DPF1: variants seen among roughly 807,000 people sequenced by gnomAD.
DPF1 encodes the protein zinc finger protein neuro-d4.
Under a neutral mutation model 58.7 loss-of-function variants are expected in DPF1, and 14 were observed. That is an observed-to-expected ratio of 0.24 (90% confidence interval 0.16 to 0.37). The LOEUF is 0.37. Among genes scored for constraint, DPF1 ranks in the 10% least tolerant of loss-of-function variants. DPF1 has a pLI of 1.00. For missense variants in DPF1, 345 were observed against 529.9 expected (o/e 0.65, Z 3.43); for synonymous variants, 216 against 216.0 (o/e 1.00, Z 0.00).
In DPF1 at chr19:38,224,059, A is replaced by C; in HGVS notation, c.29+55T>G. The C allele has an allele frequency of 1.4e-6, 2 of 1,466,734 alleles. No individual in the cohort carries two copies. Among genetic ancestry groups the C allele is most frequent in the Non-Finnish European group, 8.9e-7 (1 of 1,119,728 alleles). 90.9% of individuals were successfully genotyped at this position (1,466,734 alleles called of 1,614,324 possible). On this transcript the variant is annotated intron_variant, in intron 1 of 11. Transcript: ENST00000355526. This position sits in a 1 kb window ranked among gnomAD's most constrained non-coding sequence, Gnocchi z 4.5. Reference sequence around the variant, plus strand: ...CCACCCCCGGTCGCCACACACACACAGGCCCGCGTAGACCCGCCCGCGCTT... The same window carrying C: ...CCACCCCCGGTCGCCACACACACACCGGCCCGCGTAGACCCGCCCGCGCTT...
Position 38,217,516 on chromosome 19 carries a change from C to CCCT in DPF1, c.668_670dup (p.Glu223dup). 1.3e-6 allele frequency: 2 copies of CCCT among 1,551,560 alleles called. No individual in the cohort carries two copies. The highest frequency in any genetic ancestry group is 1.7e-6 in the Non-Finnish European group (2 of 1,146,962). ...GGCGTGGCGTTCGGCGTTCTCCTCCCCCTCCTCCTCGGCCAGGTGGGTGTG... is the reference window on the plus strand; with the variant it reads ...GGCGTGGCGTTCGGCGTTCTCCTCCCCCTCCTCCTCCTCGGCCAGGTGGGTGTG... On this transcript the variant is annotated inframe_insertion, in exon 7 of 12. Coordinates refer to ENST00000355526, the MANE Select transcript of DPF1 (RefSeq NM_001135155.3).
Position 38,222,496 on chromosome 19 carries a change from C to T in DPF1, c.191-32G>A, listed in dbSNP as rs545695489. 4.4e-6 allele frequency: 7 copies of T among 1,581,052 alleles called. No homozygotes were observed. The highest frequency in any genetic ancestry group is 1.2e-5 in the South Asian group (1 of 86,394). On this transcript the variant is annotated intron_variant, in intron 2 of 11. Transcript: ENST00000355526. This position sits in a 1 kb window ranked among gnomAD's most constrained non-coding sequence, Gnocchi z 4.9. ...AGAGAGGGGGGTGAGAGGGCGGCGG[C>T]GGTGGGGCGGCCTGGCCCCGCCCCG...
Position 38,229,344 on chromosome 19 carries a change from A to G in DPF1, c.-132+215T>C, listed in dbSNP as rs1215807504. Among the ~76,000 whole-genome samples, 1 of 151,916 alleles carries G rather than the reference A, an allele frequency of 6.6e-6. No homozygotes were observed. The highest frequency in any genetic ancestry group is 1.5e-5 in the Non-Finnish European group (1 of 67,910). ...GCCGCATTCCTTCACTGACAGCGAC[A>G]AAGAAGAGGCGCCCCCGCGACCCTG... is the stretch of plus-strand genomic sequence containing the variant. On this transcript the variant is annotated intron_variant, in intron 1 of 11. Coordinates refer to the DPF1 transcript ENST00000412732. The surrounding 1 kb of genome is among the most constrained non-coding windows in gnomAD (Gnocchi z 5.3).
chr19:38,214,831 C>CTTTTTT (rs36047300), intron 9 of DPF1, among the ~76,000 whole-genome samples: 1 of 89,398 alleles, frequency 1.1e-5, no homozygotes, highest in Admixed American at 1.5e-4. Flanking sequence ...TATGCCCAGC[C>CTTTTTT]TTTTTTTTTT....
chr19:38,211,756 G>C lies in DPF1; in HGVS notation c.*307C>G. ...TTCTTTAGAAAAAGGCTCTGTCCAT[G>C]CCCCTGGCTGGCACCCACCACCCCC... On this transcript the variant is annotated 3_prime_UTR_variant, in exon 12 of 12. Coordinates refer to ENST00000355526, the MANE Select transcript of DPF1 (RefSeq NM_001135155.3). This position sits in a 1 kb window ranked among gnomAD's most constrained non-coding sequence, Gnocchi z 4.0. 1 of 405,644 alleles carries C rather than the reference G, an allele frequency of 2.5e-6. No individual in the cohort carries two copies. The allele number at this position is 405,644 out of a possible 1,614,324, so 25.1% of individuals were successfully genotyped here.
chr19:38,214,046 C>T (rs1888081692), intron 9 of DPF1: 1 of 368,328 alleles, frequency 2.7e-6, no homozygotes, highest in Non-Finnish European at 5.0e-6. Flanking sequence ...CTTTCTACCA[C>T]CCACAACACC....
Position 38,222,849 on chromosome 19 carries a change from C to T in DPF1, c.30-141G>A, listed in dbSNP as rs1468798489. On this transcript the variant is annotated intron_variant, in intron 1 of 11. Transcript: ENST00000355526. The surrounding 1 kb of genome is among the most constrained non-coding windows in gnomAD (Gnocchi z 4.9). ...TCCAGCCTCACCTCTCCCCTCCTCC[C>T]ACTCCGGGACCCAGGCTGGGGGAAG... is the stretch of plus-strand genomic sequence containing the variant. 8.1e-7 allele frequency: 1 copy of T among 1,229,522 alleles called. No individual in the cohort carries two copies. Among genetic ancestry groups the T allele is most frequent in the African/African-American group, 1.6e-5 (1 of 62,298 alleles). The allele number at this position is 1,229,522 out of a possible 1,614,324, so 76.2% of individuals were successfully genotyped here.
rs1173042663 is a variant in DPF1, at chr19:38,217,536, G to A, written c.651C>T (p.Thr217=). 2 of 1,551,478 alleles carry A rather than the reference G, an allele frequency of 1.3e-6. No homozygotes were observed. The highest frequency in any genetic ancestry group is 2.0e-5 in the Admixed American group (1 of 50,968). The part of the protein sequence containing the change: ...RPGLSYHYTH[T]HLAEEEGEEN... ...CCTCCCCCTCCTCCTCGGCCAGGTG[G>A]GTGTGGGTGTAGTGGTAGCTGAGCC... Residue 217 remains threonine (T), a synonymous_variant, in exon 7 of 12, where the codon ACC becomes ACT. Coordinates refer to ENST00000355526, the MANE Select transcript of DPF1 (RefSeq NM_001135155.3).
chr19:38,216,499 C>A, intron 7 of DPF1, 96 bp from the exon 8 acceptor site: 4 of 1,414,806 alleles, frequency 2.8e-6, no homozygotes, highest in South Asian at 1.5e-5. Flanking sequence ...TTAGTCCAGG[C>A]GTGGGGAGCT....
chr19:38,224,042 G>A lies in DPF1; in HGVS notation c.29+72C>T, dbSNP rs1307552481. The A allele has an allele frequency of 2.8e-6, 4 of 1,407,362 alleles. No homozygotes were observed. The highest frequency in any genetic ancestry group is 1.7e-5 in the South Asian group (1 of 59,988). 87.2% of individuals were successfully genotyped at this position (1,407,362 alleles called of 1,614,324 possible). On this transcript the variant is annotated intron_variant, in intron 1 of 11. Transcript: ENST00000355526. This position sits in a 1 kb window ranked among gnomAD's most constrained non-coding sequence, Gnocchi z 4.5. ...CAGACACCCCTTCGGCCCCACCCCC[G>A]GTCGCCACACACACACAGGCCCGCG...
rs917446032 is a variant in DPF1, at chr19:38,211,874, C to G, written c.*189G>C. On this transcript the variant is annotated 3_prime_UTR_variant, in exon 12 of 12. Transcript: ENST00000355526. This position sits in a 1 kb window ranked among gnomAD's most constrained non-coding sequence, Gnocchi z 4.0. ...AGAGAGGGAGGGAGGGAGGGAGAGG[C>G]CCTGGCCGGGCCCACCCACCCACAG... 4.8e-6 allele frequency: 3 copies of G among 624,894 alleles called. No individual in the cohort carries two copies. Among genetic ancestry groups the G allele is most frequent in the South Asian group, 3.9e-5 (2 of 50,972 alleles). The allele number at this position is 624,894 out of a possible 1,614,324, so 38.7% of individuals were successfully genotyped here. A position where few individuals can be genotyped will look rare whatever the true frequency, so the allele number is the denominator to read the frequency against.
chr19:38,228,592 A>C, upstream of DPF1: 1 of 140,050 alleles, frequency 7.1e-6, no homozygotes. Context: ...GGAGGGCGGG[A>C]GCGGCCGAGT....
Position 38,217,520 on chromosome 19 carries a change from C to T in DPF1, c.667G>A (p.Glu223Lys). The T allele has an allele frequency of 6.4e-7, 1 of 1,551,570 alleles. No homozygotes were observed. Among genetic ancestry groups the T allele is most frequent in the South Asian group, 1.2e-5 (1 of 84,044 alleles). The change falls in exon 7 of 12, where the codon GAG becomes AAG. Residue 223 changes from glutamate to lysine, a missense_variant. Glu to Lys is a moderately conservative substitution (Grantham distance 56, BLOSUM62 1). Coordinates refer to ENST00000355526, the MANE Select transcript of DPF1 (RefSeq NM_001135155.3). ...TGGCGTTCGGCGTTCTCCTCCCCCT[C>T]CTCCTCGGCCAGGTGGGTGTGGGTG... ...HYTHTHLAEE[E>K]GEENAERHAL...
At chr19:38,215,858 C>T (rs1966977601) in intron 9 of DPF1, among the ~76,000 whole-genome samples, 1 of 152,182 alleles carries the variant, frequency 6.6e-6, no homozygotes, top group Non-Finnish European at 1.5e-5. Context: ...GCGTGAGCCA[C>T]CACACCTGGC....
In DPF1 at chr19:38,211,965, C is replaced by G. The variant is rs1366060571; in HGVS notation, c.*98G>C. On this transcript the variant is annotated 3_prime_UTR_variant, in exon 12 of 12. Transcript: ENST00000355526. This position sits in a 1 kb window ranked among gnomAD's most constrained non-coding sequence, Gnocchi z 4.0. Reference sequence around the variant, plus strand: ...GCCCCCTCTCGGCTTCCCCCTCTCCCCCTCCCCCTGCGGGATGTTCAGGGT... The same window carrying G: ...GCCCCCTCTCGGCTTCCCCCTCTCCGCCTCCCCCTGCGGGATGTTCAGGGT... The G allele has an allele frequency of 3.6e-6, 5 of 1,398,652 alleles. No homozygotes were observed. In the African/African-American group the frequency reaches 7.1e-5, roughly 20 times the overall value. 86.6% of individuals were successfully genotyped at this position (1,398,652 alleles called of 1,614,324 possible).
chr19:38,218,507 C>G, intron 5 of DPF1, 66 bp downstream of exon 5: 2 of 1,538,054 alleles, frequency 1.3e-6, no homozygotes, highest in Non-Finnish European at 1.8e-6. Context: ...CGGACCACTG[C>G]ACCTGCTCCA....
At chr19:38,216,557 T>G in intron 7 of DPF1, 154 bp from the exon 8 acceptor site, 1 of 838,692 alleles carries the variant, frequency 1.2e-6, no homozygotes, top group Non-Finnish European at 1.7e-6. Flanking sequence ...GTGAAAACAG[T>G]TCTCATCGGG....
chr19:38,218,474 C>A (rs571297388), intron 5 of DPF1, 99 bp downstream of exon 5: 2 of 1,280,788 alleles, frequency 1.6e-6, no homozygotes, highest in Non-Finnish European at 1.1e-6. Flanking sequence ...TGAGGTCAGA[C>A]TGAGGTCAGA....
In DPF1 at chr19:38,222,587, T is replaced by A; in HGVS notation, c.151A>T (p.Asn51Tyr). The change falls in exon 2 of 12, where the codon AAC becomes TAC. Residue 51 changes from asparagine to tyrosine, a missense_variant. Asn to Tyr is a moderately radical substitution (Grantham distance 143). Coordinates refer to ENST00000355526, the MANE Select transcript of DPF1 (RefSeq NM_001135155.3). The surrounding 1 kb of genome is among the most constrained non-coding windows in gnomAD (Gnocchi z 4.9). ...GTCTTCTCCATCCAGATGTAGCAGT[T>A]GTTCTGGGCCACGCCGGTCTGCGAG... ...LDSQTGVAQN[N>Y]CYIWMEKTHR... is the part of the protein sequence containing the mutation. The A allele has an allele frequency of 6.2e-7, 1 of 1,611,900 alleles. No individual in the cohort carries two copies. The highest frequency in any genetic ancestry group is 8.5e-7 in the Non-Finnish European group (1 of 1,179,206).
Sources: allele counts gnomAD v4.1 joint callset (sites outside exome capture counted in the v4.1 genomes callset), GRCh38; gene constraint gnomAD v4.1.1; non-coding constraint Gnocchi (gnomAD v3.1); transcripts MANE v1.5; gene names NCBI Gene and HGNC (gene_info 2026-07-23, HGNC 2026-07-21).